Variants in SLC30A8 observed in about 807,000 individuals in gnomAD.
The protein encoded by SLC30A8 is solute carrier family 30 member 8, also known as proton-coupled zinc antiporter SLC30A8.
SLC30A8 carries 27 observed loss-of-function variants against 36.9 expected under a neutral mutation model. The ratio of observed to expected loss-of-function variants is 0.73; its 90% CI spans 0.54 to 1.01. SLC30A8 has a LOEUF of 1.01. Among genes scored for constraint, SLC30A8 ranks in the 50% least tolerant of loss-of-function variants. The pLI, the probability that SLC30A8 is intolerant of heterozygous loss-of-function variation, is 0.00. For missense variants in SLC30A8, 439 were observed against 452.0 expected, an observed-to-expected ratio of 0.97 and a Z score of 0.26; for synonymous variants, 164 against 172.4, an observed-to-expected ratio of 0.95 and a Z score of 0.38.
In SLC30A8 at chr8:117,149,947, T is replaced by C. The variant is rs115093884; in HGVS notation, c.271+2794T>C. ...CACACTCACTCCCGCCAGGACCATG[T>C]AGACACGCCAGTGAACCTCATGTGC... On this transcript the variant is annotated intron_variant, in intron 2 of 7. Coordinates refer to ENST00000456015, the MANE Select transcript of SLC30A8 (RefSeq NM_173851.3). Among the ~76,000 whole-genome samples the C allele has an allele frequency of 9.4e-3, 1,432 of 152,288 alleles. 24 individuals carry two copies. Among genetic ancestry groups the C allele is most frequent in the African/African-American group, 0.032 (1,339 of 41,536 alleles).
At chr8:117,090,257 T>C (rs13274429) in intron 2 of SLC30A8, among the ~76,000 whole-genome samples, 24,842 of 152,168 alleles carry the variant, frequency 0.16, 2,127 homozygotes, top group African/African-American at 0.2. Flanking sequence ...CCACTGCACC[T>C]GGCCAACTCC....
intron 1 of SLC30A8, among the ~76,000 whole-genome samples, chr8:117,026,060 AG>A (rs1430718026): frequency 1.3e-5 from 2 of 152,176 alleles, no homozygotes; most frequent in Non-Finnish European, 2.9e-5. Flanking sequence ...AGGGAGATGC[AG>A]GGGGGAGAAA....
chr8:117,077,584 C>T (rs993909673), intron 2 of SLC30A8, among the ~76,000 whole-genome samples: 2 of 152,296 alleles, frequency 1.3e-5, no homozygotes, highest in African/African-American at 4.8e-5. Context: ...TCTCTCCTAT[C>T]TTAAAATCTC....
chr8:117,075,505 A>G (rs912618867), intron 2 of SLC30A8, among the ~76,000 whole-genome samples: 8 of 152,096 alleles, frequency 5.3e-5, no homozygotes, highest in African/African-American at 1.4e-4. Context: ...TATACCAACA[A>G]CTTCCTTTCC....
chr8:117,044,084 A>G (rs952680049), intron 2 of SLC30A8, among the ~76,000 whole-genome samples: 1 of 152,178 alleles, frequency 6.6e-6, no homozygotes, highest in Non-Finnish European at 1.5e-5. Context: ...GGGGACTCTC[A>G]TTAGAACTGG....
In SLC30A8 at chr8:117,135,302, A is replaced by G. The variant is rs1326926211; in HGVS notation, c.-26A>G. 1.3e-6 allele frequency: 2 copies of G among 1,568,136 alleles called. No individual in the cohort carries two copies. Among genetic ancestry groups the G allele is most frequent in the East Asian group, 2.3e-5 (1 of 43,782 alleles). ...CAGTGAGTTCAACAACAACGACAAC[A>G]ACAGCCGCAGCTCATCCTGGCCGTC... On this transcript the variant is annotated 5_prime_UTR_variant, in exon 1 of 8. Coordinates refer to ENST00000456015, the MANE Select transcript of SLC30A8 (RefSeq NM_173851.3).
intron 2 of SLC30A8, among the ~76,000 whole-genome samples, chr8:117,041,797 G>C (rs1817396984): frequency 3.9e-5 from 6 of 152,212 alleles, no homozygotes; most frequent in Admixed American, 2.6e-4. Context: ...CCTAGGTCTT[G>C]TGTGTTTTAG....
intron 1 of SLC30A8, among the ~76,000 whole-genome samples, chr8:117,012,667 A>AGTGT (rs76378081): frequency 1.4e-5 from 2 of 140,434 alleles, no homozygotes; most frequent in South Asian, 2.4e-4. Context: ...ACTGTATATA[A>AGTGT]GTGTGTGTGT....
At chr8:116,956,218 AGT>A (rs1300914735) in intron 1 of SLC30A8, among the ~76,000 whole-genome samples, 4 of 152,222 alleles carry the variant, frequency 2.6e-5, no homozygotes, top group African/African-American at 9.6e-5. Context: ...GATGAAATAA[AGT>A]GTGCTTTGAG....
At chr8:117,137,987 AT>A (rs1213318814) in intron 1 of SLC30A8, among the ~76,000 whole-genome samples, 2 of 135,718 alleles carry the variant, frequency 1.5e-5, no homozygotes, top group African/African-American at 5.7e-5. Context: ...CATGAACCAT[AT>A]TTTTTTACCC....
chr8:117,077,484 C>G (rs953239939), intron 2 of SLC30A8, among the ~76,000 whole-genome samples: 2 of 152,092 alleles, frequency 1.3e-5, no homozygotes, highest in Non-Finnish European at 2.9e-5. Context: ...AATCTAAGGC[C>G]TATGATCTTT....
At chr8:116,991,225 A>C (rs1258707421) in intron 1 of SLC30A8, among the ~76,000 whole-genome samples, 3 of 152,086 alleles carry the variant, frequency 2.0e-5, no homozygotes, top group Non-Finnish European at 4.4e-5. Flanking sequence ...TCATTCTACT[A>C]TCTTTAGTCA....
intron 1 of SLC30A8, among the ~76,000 whole-genome samples, chr8:116,972,459 T>C (rs1814823776): frequency 6.6e-6 from 1 of 152,224 alleles, no homozygotes; most frequent in East Asian, 1.9e-4. Flanking sequence ...TTAAGATGGT[T>C]AGGACCATGG....
chr8:116,975,469 A>G (rs1340153226), intron 1 of SLC30A8, among the ~76,000 whole-genome samples: 2 of 152,170 alleles, frequency 1.3e-5, no homozygotes, highest in Non-Finnish European at 1.5e-5. Context: ...TTAGTTGTCA[A>G]GTAGAAGGTA....
At chr8:116,959,073 T>C (rs1814322885) in intron 1 of SLC30A8, among the ~76,000 whole-genome samples, 1 of 151,970 alleles carries the variant, frequency 6.6e-6, no homozygotes, top group African/African-American at 2.4e-5. Context: ...ATGGTCTCGA[T>C]CTCCTGACCT....
chr8:117,100,483 T>C (rs2130855682), intron 2 of SLC30A8, among the ~76,000 whole-genome samples: 1 of 152,238 alleles, frequency 6.6e-6, no homozygotes, highest in Non-Finnish European at 1.5e-5. Flanking sequence ...CTACTCTGTG[T>C]CCCATGCTTT....
intron 1 of SLC30A8, among the ~76,000 whole-genome samples, chr8:117,034,806 A>G (rs2130745927): frequency 6.6e-6 from 1 of 152,318 alleles, no homozygotes; most frequent in Non-Finnish European, 1.5e-5. Context: ...GTCCTCAGGA[A>G]ACTCACAATC....
chr8:117,037,987 G>GAAAGTTTACA, intron 1 of SLC30A8, among the ~76,000 whole-genome samples: 1 of 152,306 alleles, frequency 6.6e-6, no homozygotes, highest in Admixed American at 6.5e-5. Flanking sequence ...GACATTGCAG[G>GAAAGTTTACA]TGAAGTTAGA....
At chr8:117,010,230 G>A (rs1816302236) in intron 1 of SLC30A8, among the ~76,000 whole-genome samples, 1 of 152,182 alleles carries the variant, frequency 6.6e-6, no homozygotes, top group Non-Finnish European at 1.5e-5. Context: ...TTAGGCTCTG[G>A]AACCACTTCT....
Sources: gnomAD v4.1 joint callset for allele counts (sites outside exome capture counted in the v4.1 genomes callset) on GRCh38, gnomAD v4.1.1 for gene constraint, MANE v1.5 for transcripts, NCBI Gene and HGNC (gene_info 2026-07-23, HGNC 2026-07-21) for gene names.